SLC4A2: variants seen among roughly 807,000 people sequenced by gnomAD.
SLC4A2 encodes solute carrier family 4 member 2, also known as anion exchange protein 2.
A neutral mutation model predicts 115.0 loss-of-function variants in SLC4A2; 36 were observed. That is an observed-to-expected ratio of 0.31 (90% CI 0.24 to 0.41). The LOEUF is 0.41. SLC4A2 is among the 10% of genes least tolerant of loss of function. SLC4A2 has a pLI of 1.00. For missense variants in SLC4A2, 1,252 were observed against 1,705.6 expected, an observed-to-expected ratio of 0.73 and a Z score of 4.68; for synonymous variants, 708 against 708.3, an observed-to-expected ratio of 1.00 and a Z score of 0.01.
intron 8 of SLC4A2, among the ~76,000 whole-genome samples, chr7:151,068,830 T>TCA (rs1797324267): frequency 6.8e-6 from 1 of 146,530 alleles, no homozygotes; most frequent in Non-Finnish European, 1.5e-5. Context: ...TAAAATTAAA[T>TCA]TAAAAAAAAA....
chr7:151,058,319 C>T (rs1796950776), upstream of SLC4A2: 2 of 201,458 alleles, frequency 9.9e-6, no homozygotes, highest in Non-Finnish European at 2.1e-5. Context: ...GGCCTAGATC[C>T]CGGGCACTGG....
Position 151,072,149 on chromosome 7 carries a change from C to G in SLC4A2, c.2535+13C>G. On this transcript the variant is annotated intron_variant, in intron 16 of 22. Coordinates refer to ENST00000413384, the MANE Select transcript of SLC4A2 (RefSeq NM_003040.4). ...CAAGCTGGTGAAGGTGGGCAGGCCC[C>G]TGCCGAGAGCTGGGCCAGGAGGGCC... 6.2e-7 allele frequency: 1 copy of G among 1,609,376 alleles called. No individual in the cohort carries two copies. Among genetic ancestry groups the G allele is most frequent in the Non-Finnish European group, 8.5e-7 (1 of 1,176,580 alleles).
At position 151,070,575 on chromosome 7, in the gene SLC4A2, T is replaced by G; in HGVS notation, c.1564+4T>G. 1.2e-6 allele frequency: 2 copies of G among 1,612,282 alleles called. No individual in the cohort carries two copies. The highest frequency in any genetic ancestry group is 1.7e-6 in the Non-Finnish European group (2 of 1,179,052). On this transcript the variant is annotated splice_donor_region_variant and intron_variant, in intron 11 of 22. Coordinates refer to ENST00000413384, the MANE Select transcript of SLC4A2 (RefSeq NM_003040.4). The stretch of plus-strand genomic sequence containing the variant: ...GAGGCCACGGTGGTCCTTGTGGGTA[T>G]GTGGGGCAGGTCACATGTAGGGGGC...
chr7:151,063,386 C>T (rs1797122935), intron 2 of SLC4A2, among the ~76,000 whole-genome samples: 1 of 152,222 alleles, frequency 6.6e-6, no homozygotes, highest in Admixed American at 6.5e-5. Context: ...TTTTTGGGCT[C>T]AGCAGTTGTC....
intron 8 of SLC4A2, 55 bp downstream of exon 8, chr7:151,068,109 C>A (rs145272948): frequency 7.5e-7 from 1 of 1,325,192 alleles, no homozygotes; most frequent in African/African-American, 1.5e-5. Flanking sequence ...AATTCTCCCA[C>A]ATGGCCCCAA....
Position 151,071,633 on chromosome 7 carries a change from G to T in SLC4A2, c.2191+28G>T. On this transcript the variant is annotated intron_variant, in intron 14 of 22. Coordinates refer to ENST00000413384, the MANE Select transcript of SLC4A2 (RefSeq NM_003040.4). This position sits in a 1 kb window ranked among gnomAD's most constrained non-coding sequence, Gnocchi z 5.5. ...GAGGAGAGCCTTCAGGTAGGGGGCG[G>T]CGGGGACTGCCCAGGGCCTGGCCAC... The T allele has an allele frequency of 6.2e-7, 1 of 1,613,350 alleles. No individual in the cohort carries two copies. The highest frequency in any genetic ancestry group is 1.1e-5 in the South Asian group (1 of 91,072).
chr7:151,061,800 G>A, intron 1 of SLC4A2, 125 bp from the exon 2 acceptor site: 1 of 597,262 alleles, frequency 1.7e-6, no homozygotes. Flanking sequence ...CTGTGCTGTG[G>A]CTGCCGCTAA....
chr7:151,062,638 C>T, intron 2 of SLC4A2: 2 of 1,524,154 alleles, frequency 1.3e-6, no homozygotes, highest in East Asian at 2.5e-5. Flanking sequence ...CCCCTGCCGG[C>T]CATGGACTTC....
At chr7:151,075,858 C>T in intron 21 of SLC4A2, 83 bp downstream of exon 21, 1 of 1,473,264 alleles carries the variant, frequency 6.8e-7, no homozygotes, top group Non-Finnish European at 9.2e-7. Flanking sequence ...TGCCCCCTCC[C>T]ATCTGCCCAG....
chr7:151,063,205 GTGGGGTGAGGGGTGGGGC>G, intron 2 of SLC4A2: 1 of 1,384,850 alleles, frequency 7.2e-7, no homozygotes, highest in Non-Finnish European at 9.5e-7. Context: ...GGCTGTGGGG[GTGGGGTGAGGGGTGGGGC>G]TAGGGACCTG....
chr7:151,062,526 C>A, intron 2 of SLC4A2: 4 of 1,292,486 alleles, frequency 3.1e-6, no homozygotes, highest in Non-Finnish European at 2.0e-6. Context: ...TAATGATTAA[C>A]CCCGTGCCAC....
chr7:151,069,064 G>A (rs1797333933), intron 8 of SLC4A2, among the ~76,000 whole-genome samples: 1 of 146,490 alleles, frequency 6.8e-6, no homozygotes, highest in Admixed American at 7.2e-5. Context: ...GTGTGAACCT[G>A]GGAGGTAGAG....
intron 7 of SLC4A2, among the ~76,000 whole-genome samples, chr7:151,067,225 A>C (rs1367526895): frequency 4.6e-5 from 7 of 152,176 alleles, no homozygotes; most frequent in Non-Finnish European, 1.0e-4. Context: ...AGTAGCTGGG[A>C]TTACAGGCAC....
intron 8 of SLC4A2, 124 bp from the exon 9 acceptor site, chr7:151,069,823 T>C: frequency 8.9e-7 from 1 of 1,128,974 alleles, no homozygotes; most frequent in Non-Finnish European, 1.3e-6. Context: ...GCGTCCTTCA[T>C]GTGTAGGCTG....
At chr7:151,064,108 G>T (rs1797145039) in intron 2 of SLC4A2, 94 bp from the exon 3 acceptor site, 2 of 1,305,220 alleles carry the variant, frequency 1.5e-6, no homozygotes, top group Non-Finnish European at 2.2e-6. Context: ...TGGCGGGGGA[G>T]GGTTCCTGGG....
In SLC4A2 at chr7:151,066,709, G is replaced by A. The variant is rs369447066; in HGVS notation, c.771G>A (p.Thr257=). ...AEQALLPRVP[T]DEIEAQTLAT... ...AGGCACTGCTGCCCCGGGTCCCCAC[G>A]GATGAGATTGAGGCCCAGACGCTGG... is the stretch of plus-strand genomic sequence containing the variant. Residue 257 remains threonine (T), a synonymous_variant, in exon 6 of 23, where the codon ACG becomes ACA. Coordinates refer to ENST00000413384, the MANE Select transcript of SLC4A2 (RefSeq NM_003040.4). The A allele has an allele frequency of 7.1e-6, 11 of 1,553,040 alleles. No homozygotes were observed. The highest frequency in any genetic ancestry group is 1.2e-5 in the South Asian group (1 of 84,322).
intron 8 of SLC4A2, 64 bp from the exon 9 acceptor site, chr7:151,069,883 T>TC: frequency 6.2e-7 from 1 of 1,602,570 alleles, no homozygotes; most frequent in Non-Finnish European, 8.5e-7. Flanking sequence ...CTGCTCCCCA[T>TC]CCCATCTCCT....
In SLC4A2 at chr7:151,061,890, GCTCTCGATGGTGATCAGGC is replaced by G; in HGVS notation, c.-63-29_-63-11del. The G allele has an allele frequency of 8.7e-7, 1 of 1,154,370 alleles. No individual in the cohort carries two copies. The highest frequency in any genetic ancestry group is 1.3e-6 in the Non-Finnish European group (1 of 794,804). 71.5% of individuals were successfully genotyped at this position (1,154,370 alleles called of 1,614,324 possible). A position where few individuals can be genotyped will look rare whatever the true frequency, so the allele number is the denominator to read the frequency against. On this transcript the variant is annotated splice_polypyrimidine_tract_variant and intron_variant, in intron 1 of 22. Coordinates refer to ENST00000413384, the MANE Select transcript of SLC4A2 (RefSeq NM_003040.4). ...GCGTGGTGGCTCCTGCCCTCCCAGG[GCTCTCGATGGTGATCAGGC>G]CTCTCCCCCATCCAGGTTATGCCTC...
intron 5 of SLC4A2, 46 bp downstream of exon 5, chr7:151,065,012 G>A: frequency 7.9e-7 from 1 of 1,269,630 alleles, no homozygotes; most frequent in Non-Finnish European, 1.2e-6. Context: ...CACTTCCCCT[G>A]CTAGGATAGT....
Sources: allele counts gnomAD v4.1 joint callset (sites outside exome capture counted in the v4.1 genomes callset), GRCh38; gene constraint gnomAD v4.1.1; non-coding constraint Gnocchi (gnomAD v3.1); transcripts MANE v1.5; gene names NCBI Gene and HGNC (gene_info 2026-07-23, HGNC 2026-07-21).